The following ETV6 variants were observed in gnomAD, a reference collection of about 807,000 sequenced individuals.
ETV6 encodes ETS variant transcription factor 6, also known as transcription factor ETV6.
Under a neutral mutation model 51.1 loss-of-function variants are expected in ETV6, and 16 were observed. The observed-to-expected ratio is 0.31, with a 90% confidence interval of 0.21 to 0.48. The LOEUF is 0.48. ETV6 is among the 20% of genes least tolerant of loss of function. ETV6 has a pLI of 0.99. For missense variants in ETV6, 458 were observed against 594.8 expected (o/e 0.77, Z 2.39); for synonymous variants, 240 against 224.1 (o/e 1.07, Z -0.64).
At chr12:11,715,927 A>T (rs774517709) in intron 1 of ETV6, among the ~76,000 whole-genome samples, 8 of 152,248 alleles carry the variant, frequency 5.3e-5, no homozygotes, top group Non-Finnish European at 1.2e-4. Flanking sequence ...TCACATAAAT[A>T]GAAGAGCCAA....
intron 4 of ETV6, among the ~76,000 whole-genome samples, chr12:11,856,656 G>C (rs1946636581): frequency 6.6e-6 from 1 of 152,080 alleles, no homozygotes. Context: ...CAAGTTTCCT[G>C]CCTCCAGCTA....
chr12:11,769,099 CAGTAGAGT>C (rs1945204393), intron 2 of ETV6: 1 of 378,916 alleles, frequency 2.6e-6, no homozygotes, highest in Non-Finnish European at 5.2e-6. Flanking sequence ...CTACTGTGCC[CAGTAGAGT>C]AGTAATTACA....
At chr12:11,840,486 A>G (rs1012579942) in intron 3 of ETV6, 1 of 455,948 alleles carries the variant, frequency 2.2e-6, no homozygotes, top group African/African-American at 2.0e-5. Context: ...TAACTTGACA[A>G]AGGGCGAGGA....
At chr12:11,653,241 C>T (rs1023004057) in intron 1 of ETV6, among the ~76,000 whole-genome samples, 1 of 152,202 alleles carries the variant, frequency 6.6e-6, no homozygotes, top group African/African-American at 2.4e-5. Context: ...CTGTCTTTTC[C>T]ATCATCAGCC....
intron 2 of ETV6, among the ~76,000 whole-genome samples, chr12:11,768,450 C>T (rs1945195128): frequency 6.6e-6 from 1 of 152,164 alleles, no homozygotes; most frequent in Non-Finnish European, 1.5e-5. Context: ...GTAATTGGGT[C>T]AAGGCCACAG....
chr12:11,724,098 T>G (rs1020267880), intron 1 of ETV6, among the ~76,000 whole-genome samples: 2 of 152,158 alleles, frequency 1.3e-5, no homozygotes, highest in Non-Finnish European at 2.9e-5. Flanking sequence ...AAGCTGGTTG[T>G]CAAGTACTGC....
chr12:11,797,856 T>C (rs894625928), intron 2 of ETV6, among the ~76,000 whole-genome samples: 1 of 152,250 alleles, frequency 6.6e-6, no homozygotes, highest in African/African-American at 2.4e-5. Flanking sequence ...ATTCCAAGTT[T>C]GTGTGATTTG....
intron 1 of ETV6, among the ~76,000 whole-genome samples, chr12:11,690,886 C>CTAAATAAATAAATAAATAAATAAATAAA (rs58188628): frequency 2.7e-4 from 38 of 140,578 alleles, no homozygotes; most frequent in African/African-American, 6.8e-4. Flanking sequence ...GACTCTGTCT[C>CTAAATAAATAAATAAATAAATAAATAAA]TAAATAAATA....
intron 1 of ETV6, among the ~76,000 whole-genome samples, chr12:11,693,705 G>T (rs1363065468): frequency 3.9e-5 from 6 of 152,194 alleles, no homozygotes; most frequent in African/African-American, 1.4e-4. Context: ...CACTTCTGGT[G>T]TCCTTCAGTG....
chr12:11,777,153 T>C (rs568879988), intron 2 of ETV6, among the ~76,000 whole-genome samples: 4 of 139,544 alleles, frequency 2.9e-5, no homozygotes, highest in South Asian at 2.3e-4. Context: ...GGCAGGAGAA[T>C]GGCGTGAACC....
chr12:11,654,495 T>G (rs1863962465), intron 1 of ETV6, among the ~76,000 whole-genome samples: 1 of 152,132 alleles, frequency 6.6e-6, no homozygotes. Flanking sequence ...AAACTCGATA[T>G]AATAGGCTTC....
Position 11,869,575 on chromosome 12 carries a change from G to T in ETV6, c.615G>T (p.Leu205=). ...AGCAGCGGCCCCTCCGGTCCCCCCTGGACAACATGATCCGCCGCCTCTCCC... is the reference window on the plus strand; with the variant it reads ...AGCAGCGGCCCCTCCGGTCCCCCCTTGACAACATGATCCGCCGCCTCTCCC... ...DPEQRPLRSP[L]DNMIRRLSPA... Residue 205 remains leucine, a synonymous_variant, in exon 5 of 8, where the codon CTG becomes CTT. Coordinates refer to ENST00000396373, the MANE Select transcript of ETV6 (RefSeq NM_001987.5). The surrounding 1 kb of genome is among the most constrained non-coding windows in gnomAD (Gnocchi z 5.0). 2 of 1,614,148 alleles carry T rather than the reference G, an allele frequency of 1.2e-6. No homozygotes were observed. The highest frequency in any genetic ancestry group is 1.7e-6 in the Non-Finnish European group (2 of 1,180,032).
intron 1 of ETV6, among the ~76,000 whole-genome samples, chr12:11,668,953 G>A (rs1435598630): frequency 6.6e-6 from 1 of 152,174 alleles, no homozygotes; most frequent in Non-Finnish European, 1.5e-5. Context: ...CTCTGGGTGT[G>A]CTGTACTGAG....
At chr12:11,720,336 G>A (rs974741795) in intron 1 of ETV6, among the ~76,000 whole-genome samples, 8 of 152,174 alleles carry the variant, frequency 5.3e-5, no homozygotes, top group African/African-American at 1.9e-4. Context: ...AGTTTTTAGG[G>A]AGAGGCAAAG....
At chr12:11,725,185 T>C (rs1191382888) in intron 1 of ETV6, among the ~76,000 whole-genome samples, 7 of 151,706 alleles carry the variant, frequency 4.6e-5, no homozygotes, top group Non-Finnish European at 7.4e-5. Context: ...TCCACTCAAC[T>C]TCTAGGCTAG....
chr12:11,756,716 C>T (rs538580654), intron 2 of ETV6, among the ~76,000 whole-genome samples: 2 of 152,196 alleles, frequency 1.3e-5, no homozygotes, highest in East Asian at 3.9e-4. Flanking sequence ...TTTCTAAACT[C>T]ATGGGGGAGT....
intron 5 of ETV6, among the ~76,000 whole-genome samples, chr12:11,871,438 C>T (rs972168240): frequency 6.6e-6 from 1 of 152,062 alleles, no homozygotes; most frequent in South Asian, 2.1e-4. Flanking sequence ...GATCCGCCTG[C>T]GTCGGCCTCC....
At chr12:11,844,775 G>A (rs917050227) in intron 3 of ETV6, among the ~76,000 whole-genome samples, 1 of 149,266 alleles carries the variant, frequency 6.7e-6, no homozygotes, top group African/African-American at 2.5e-5. Flanking sequence ...AAAAAAAAAA[G>A]TGTATCACAC....
At position 11,842,475 on chromosome 12, in the gene ETV6, C is replaced by T. The variant is rs73052100; in HGVS notation, c.328+3171C>T. Among the ~76,000 whole-genome samples the T allele has an allele frequency of 6.8e-3, 1,020 of 150,348 alleles. 6 individuals carry two copies. The highest frequency in any genetic ancestry group is 0.01 in the Non-Finnish European group (688 of 67,496). The stretch of plus-strand genomic sequence containing the variant: ...ATTGTTTGCTGATTGTTTGCTACTC[C>T]GGATCCCTCCCCTAGAGTGGAAAGT... On this transcript the variant is annotated intron_variant, in intron 3 of 7. Coordinates refer to ENST00000396373, the MANE Select transcript of ETV6 (RefSeq NM_001987.5).
Sources: gnomAD v4.1 joint callset for allele counts (sites outside exome capture counted in the v4.1 genomes callset) on GRCh38, gnomAD v4.1.1 for gene constraint, Gnocchi (gnomAD v3.1) non-coding constraint, MANE v1.5 for transcripts, NCBI Gene and HGNC (gene_info 2026-07-23, HGNC 2026-07-21) for gene names.